The following IKZF4 variants were observed in gnomAD, a reference collection of about 807,000 sequenced individuals.
IKZF4 encodes IKAROS family zinc finger 4.
Under a neutral mutation model 47.7 loss-of-function variants are expected in IKZF4, and 11 were observed. That is an observed-to-expected ratio of 0.23 (90% CI 0.15 to 0.38). The LOEUF (loss-of-function observed/expected upper bound fraction) is 0.38. Ranked by LOEUF, IKZF4 falls within the 10% of genes least tolerant of loss-of-function variation. IKZF4 has a pLI of 1.00. For synonymous variants in IKZF4, 298 were observed against 299.4 expected, an observed-to-expected ratio of 1.00 and a Z score of 0.05; for missense variants, 557 against 784.9, an observed-to-expected ratio of 0.71 and a Z score of 3.47.
At chr12:56,032,792 C>T (rs1162220769) in intron 6 of IKZF4, 82 bp downstream of exon 6, 6 of 1,470,824 alleles carry the variant, frequency 4.1e-6, no homozygotes, top group East Asian at 2.3e-5. Flanking sequence ...CAGTATCTCC[C>T]ACACTGAGGG....
chr12:56,015,051 G>C (rs1891844148), intron 2 of IKZF4, among the ~76,000 whole-genome samples: 1 of 152,086 alleles, frequency 6.6e-6, no homozygotes, highest in African/African-American at 2.4e-5. Flanking sequence ...GGTGTGTGAG[G>C]GAAGTTTCAA....
At chr12:56,025,696 G>A (rs996666137) in intron 3 of IKZF4, among the ~76,000 whole-genome samples, 5 of 152,084 alleles carry the variant, frequency 3.3e-5, no homozygotes, top group African/African-American at 9.7e-5. Context: ...AGGTGGAGGG[G>A]GTAGAGGGAT....
In IKZF4 at chr12:56,033,096, G is replaced by T. The variant is rs181268488; in HGVS notation, c.866-94G>T. The T allele has an allele frequency of 6.8e-6, 10 of 1,476,230 alleles. No homozygotes were observed. The Admixed American group carries it at 7.4e-5, about 11-fold the overall frequency. The allele number at this position is 1,476,230 out of a possible 1,614,324, so 91.4% of individuals were successfully genotyped here. A position where few individuals can be genotyped will look rare whatever the true frequency, so the allele number is the denominator to read the frequency against. ...CAGGCAACTGGTATGTCCTTCCTTGGCTACTGACCTGCTGGTTTTCTCCAG... is the reference window on the plus strand; with the variant it reads ...CAGGCAACTGGTATGTCCTTCCTTGTCTACTGACCTGCTGGTTTTCTCCAG... On this transcript the variant is annotated intron_variant, in intron 6 of 7. Transcript: ENST00000547167.
Position 56,024,808 on chromosome 12 carries a change from C to G in IKZF4, c.182-246C>G, listed in dbSNP as rs868226789. The G allele has an allele frequency of 2.7e-5, 37 of 1,352,942 alleles. No individual in the cohort carries two copies. The Middle Eastern group carries it at 1.4e-3, about 52-fold the overall frequency. 83.8% of individuals were successfully genotyped at this position (1,352,942 alleles called of 1,614,324 possible). A position where few individuals can be genotyped will look rare whatever the true frequency, so the allele number is the denominator to read the frequency against. On this transcript the variant is annotated intron_variant, in intron 2 of 7. Transcript: ENST00000547167. ...TTCCTGTGGACGTCAGGCAGTGATG[C>G]TCTTGCCCTCAGGCCTAGATAAAGG...
At chr12:56,014,282 A>C (rs1891725315) in intron 2 of IKZF4, among the ~76,000 whole-genome samples, 1 of 152,260 alleles carries the variant, frequency 6.6e-6, no homozygotes, top group Non-Finnish European at 1.5e-5. Context: ...GCAATTAAGC[A>C]GGAAAGCTCA....
At chr12:56,014,818 A>G (rs1172190598) in intron 2 of IKZF4, among the ~76,000 whole-genome samples, 2 of 152,166 alleles carry the variant, frequency 1.3e-5, no homozygotes, top group Non-Finnish European at 2.9e-5. Context: ...AAAACAGGGA[A>G]AAGCAAGAAA....
chr12:56,027,969 G>A, intron 5 of IKZF4, 22 bp downstream of exon 5: 5 of 1,531,272 alleles, frequency 3.3e-6, no homozygotes, highest in Non-Finnish European at 4.4e-6. Context: ...TCCAGTGGGA[G>A]GAGGGAATGA....
chr12:56,024,894 C>T (rs71459332), intron 2 of IKZF4, 160 bp from the exon 3 acceptor site: 86,799 of 1,483,008 alleles, frequency 0.059, 2,863 homozygotes, highest in Non-Finnish European at 0.066. Context: ...TCCAGACTGG[C>T]GGGGGCACAA....
upstream of IKZF4, chr12:56,007,644 G>A (rs1008136526): frequency 1.3e-5 from 2 of 152,990 alleles, no homozygotes; most frequent in African/African-American, 4.8e-5. Context: ...GGGCCAGAGT[G>A]GGGGACCCCC....
At chr12:56,007,900 A>G (rs145495590) in intron 1 of IKZF4, among the ~76,000 whole-genome samples, 25 of 150,300 alleles carry the variant, frequency 1.7e-4, no homozygotes, top group African/African-American at 5.6e-4. Flanking sequence ...GGGTTGGAAG[A>G]TGGCCGGGGG....
Position 56,025,070 on chromosome 12 carries a change from T to G in IKZF4, c.198T>G (p.Ser66=). 1 of 1,592,470 alleles carries G rather than the reference T, an allele frequency of 6.3e-7. No individual in the cohort carries two copies. The highest frequency in any genetic ancestry group is 2.3e-5 in the East Asian group (1 of 43,906). ...SLFCESSGDS[S]LEKEFLGAPV... is the part of the protein sequence containing the mutation. ...TCCTCCAAGGTAGCGGGGACTCATC[T>G]CTGGAGAAGGAGTTCCTCGGGGCCC... The change falls in exon 3 of 8, where the codon TCT becomes TCG. Residue 66 remains serine (S), a synonymous_variant. Transcript: ENST00000547167.
At position 56,032,683 on chromosome 12, in the gene IKZF4, G is replaced by A. The variant is rs1257314716; in HGVS notation, c.838G>A (p.Glu280Lys). Residue 280 changes from glutamate to lysine, a missense_variant, in exon 6 of 8, where the codon GAA (glutamate) becomes AAA (lysine). By Grantham distance (56) the Glu-to-Lys change is moderately conservative. Transcript: ENST00000547167. ...CHNYLQSLSTEAQALAGQPGD... is the reference protein window; with the variant it reads ...CHNYLQSLSTKAQALAGQPGD... ...TAACTACCTACAGAGTCTCAGCACTGAAGCCCAAGCTTTGGCTGGCCAACC... is the reference window on the plus strand; with the variant it reads ...TAACTACCTACAGAGTCTCAGCACTAAAGCCCAAGCTTTGGCTGGCCAACC... 2 of 1,614,052 alleles carry A rather than the reference G, an allele frequency of 1.2e-6. No homozygotes were observed. The highest frequency in any genetic ancestry group is 1.7e-6 in the Non-Finnish European group (2 of 1,179,900).
intron 5 of IKZF4, among the ~76,000 whole-genome samples, chr12:56,031,381 T>C (rs768900896): frequency 3.3e-5 from 5 of 152,228 alleles, no homozygotes; most frequent in Non-Finnish European, 5.9e-5. Context: ...AATTATTATG[T>C]ATCAATTATC....
At chr12:56,022,752 G>C (rs1011892983) in intron 1 of IKZF4, among the ~76,000 whole-genome samples, 1 of 151,346 alleles carries the variant, frequency 6.6e-6, no homozygotes, top group Non-Finnish European at 1.5e-5. Flanking sequence ...CTGTTTCTGG[G>C]CCTTAATTGG....
At position 56,032,727 on chromosome 12, in the gene IKZF4, AC is replaced by A. The variant is rs956386449; in HGVS notation, c.865+18del. 3 of 1,613,808 alleles carry A rather than the reference AC, an allele frequency of 1.9e-6. No homozygotes were observed. Among genetic ancestry groups the A allele is most frequent in the Non-Finnish European group, 2.5e-6 (3 of 1,179,720 alleles). On this transcript the variant is annotated intron_variant, in intron 6 of 7. Coordinates refer to ENST00000547167, the MANE Select transcript of IKZF4 (RefSeq NM_022465.4). ...GCCAACCAGGTAGGGCTATTGATGT[AC>A]TACTGGGGAGTTAAAAGGGGATGGT... is the stretch of plus-strand genomic sequence containing the variant.
intron 7 of IKZF4, among the ~76,000 whole-genome samples, chr12:56,034,286 T>A (rs1895383694): frequency 6.6e-6 from 1 of 152,092 alleles, no homozygotes; most frequent in Non-Finnish European, 1.5e-5. Flanking sequence ...AGTATGTGGT[T>A]CCCCCTATCC....
At chr12:56,021,886 C>T in intron 1 of IKZF4, 2 of 419,600 alleles carry the variant, frequency 4.8e-6, no homozygotes, top group Non-Finnish European at 8.7e-6. Context: ...GGTGAAATGC[C>T]GAGACAGGCC....
chr12:56,032,370 C>T (rs957098902), intron 5 of IKZF4, 191 bp from the exon 6 acceptor site: 15 of 590,134 alleles, frequency 2.5e-5, no homozygotes, highest in Non-Finnish European at 4.4e-5. Flanking sequence ...GCACATTATC[C>T]TTCATCATCA....
Position 56,034,632 on chromosome 12 carries a change from T to C in IKZF4, c.1059T>C (p.Tyr353=). The C allele has an allele frequency of 1.2e-6, 2 of 1,613,960 alleles. No individual in the cohort carries two copies. The highest frequency in any genetic ancestry group is 2.7e-5 in the African/African-American group (2 of 75,032). ...DLPYDVNSGG[Y]EKDVELVAHH... is the part of the protein sequence containing the mutation. ...CCTATGATGTGAACTCGGGTGGCTATGAAAAGGATGTGGAGTTGGTGGCAC... is the reference window on the plus strand; with the variant it reads ...CCTATGATGTGAACTCGGGTGGCTACGAAAAGGATGTGGAGTTGGTGGCAC... Residue 353 remains tyrosine, a synonymous_variant, in exon 8 of 8, where the codon TAT becomes TAC. Transcript: ENST00000547167.
Sources: gnomAD v4.1 joint callset for allele counts (sites outside exome capture counted in the v4.1 genomes callset) on GRCh38, gnomAD v4.1.1 for gene constraint, MANE v1.5 for transcripts, NCBI Gene and HGNC (gene_info 2026-07-23, HGNC 2026-07-21) for gene names.